The following ANO3 variants were observed in gnomAD, a reference collection of about 807,000 sequenced individuals.
ANO3 encodes the protein anoctamin 3.
Under a neutral mutation model 144.8 loss-of-function variants are expected in ANO3, and 99 were observed. The ratio of observed to expected loss-of-function variants is 0.68; its 90% CI spans 0.58 to 0.81. The LOEUF (loss-of-function observed/expected upper bound fraction) is 0.81. Among genes scored for constraint, ANO3 ranks in the 30% least tolerant of loss-of-function variants. ANO3 has a pLI of 0.00. For synonymous variants in ANO3, 414 were observed against 392.6 expected (o/e 1.05, Z -0.64); for missense variants, 905 against 1,202.2 (o/e 0.75, Z 3.66).
At chr11:26,230,772 G>GGGT (rs1327558095) in intron 1 of ANO3, among the ~76,000 whole-genome samples, 1 of 120,004 alleles carries the variant, frequency 8.3e-6, no homozygotes, top group Non-Finnish European at 1.6e-5. Flanking sequence ...ACTCCAGCCT[G>GGGT]GGTGACAGAG....
intron 1 of ANO3, among the ~76,000 whole-genome samples, chr11:26,205,186 G>A (rs2133915934): frequency 6.6e-6 from 1 of 152,216 alleles, no homozygotes; most frequent in East Asian, 1.9e-4. Context: ...TAACAAGTGG[G>A]AATTATTACG....
chr11:26,205,033 CACAAGGTGGTAA>C (rs961011426), intron 1 of ANO3, among the ~76,000 whole-genome samples: 9 of 152,070 alleles, frequency 5.9e-5, no homozygotes, highest in Non-Finnish European at 7.4e-5. Context: ...AGTCCTTCCT[CACAAGGTGGTAA>C]AAGAAGTACC....
chr11:26,350,082 G>C (rs183196145), intron 1 of ANO3, among the ~76,000 whole-genome samples: 16 of 151,858 alleles, frequency 1.1e-4, no homozygotes, highest in Admixed American at 4.6e-4. Flanking sequence ...GGAACGGAAG[G>C]GGGAGAAGAA....
At chr11:26,403,417 T>C (rs966790206) in intron 1 of ANO3, among the ~76,000 whole-genome samples, 17 of 152,006 alleles carry the variant, frequency 1.1e-4, no homozygotes, top group South Asian at 2.1e-4. Flanking sequence ...CAAAGCCAAA[T>C]AAAATGTGTG....
chr11:26,650,053 C>T (rs146328482), intron 24 of ANO3, among the ~76,000 whole-genome samples: 4 of 152,176 alleles, frequency 2.6e-5, no homozygotes, highest in African/African-American at 9.6e-5. Flanking sequence ...GTGTAGATAG[C>T]GCCCGACATC....
At chr11:26,236,677 G>A (rs888442064) in intron 1 of ANO3, among the ~76,000 whole-genome samples, 7 of 151,924 alleles carry the variant, frequency 4.6e-5, no homozygotes, top group Non-Finnish European at 8.8e-5. Context: ...AATTAGCCGG[G>A]CATGGTGGCG....
At chr11:26,311,258 A>T (rs530792638) in intron 1 of ANO3, among the ~76,000 whole-genome samples, 4 of 152,294 alleles carry the variant, frequency 2.6e-5, no homozygotes, top group Admixed American at 1.3e-4. Context: ...TCTTCCCAAC[A>T]ACTCTATGAG....
chr11:26,349,530 T>A (rs1855581624), intron 1 of ANO3, among the ~76,000 whole-genome samples: 1 of 152,028 alleles, frequency 6.6e-6, no homozygotes, highest in South Asian at 2.1e-4. Flanking sequence ...AAATGAGAAT[T>A]GTTATTGTTT....
At chr11:26,589,146 G>A (rs1321356803) in intron 14 of ANO3, among the ~76,000 whole-genome samples, 1 of 152,146 alleles carries the variant, frequency 6.6e-6, no homozygotes, top group Non-Finnish European at 1.5e-5. Flanking sequence ...CAAGAGTTTT[G>A]GTCCTGGCTC....
intron 1 of ANO3, among the ~76,000 whole-genome samples, chr11:26,311,592 T>C (rs1308992212): frequency 6.6e-6 from 1 of 152,196 alleles, no homozygotes; most frequent in Admixed American, 6.5e-5. Context: ...AAGATATTAC[T>C]AAAGAGGAGA....
At chr11:26,535,697 C>T (rs1378791607) in intron 9 of ANO3, among the ~76,000 whole-genome samples, 1 of 150,586 alleles carries the variant, frequency 6.6e-6, no homozygotes, top group Non-Finnish European at 1.5e-5. Flanking sequence ...ATTCTCCTGC[C>T]TCAGCCTCCC....
chr11:26,206,445 CTT>C (rs1429392301), intron 1 of ANO3, among the ~76,000 whole-genome samples: 2 of 152,090 alleles, frequency 1.3e-5, no homozygotes, highest in Non-Finnish European at 2.9e-5. Context: ...TAAAATAGCA[CTT>C]ATATTATTTC....
At chr11:26,315,607 TTC>T (rs1191013009) in intron 1 of ANO3, among the ~76,000 whole-genome samples, 4 of 152,110 alleles carry the variant, frequency 2.6e-5, no homozygotes, top group Non-Finnish European at 5.9e-5. Flanking sequence ...TTAAGAGATA[TTC>T]TCTTTTTTTT....
intron 17 of ANO3, among the ~76,000 whole-genome samples, chr11:26,602,551 A>G (rs1851827427): frequency 6.6e-6 from 1 of 150,662 alleles, no homozygotes. Flanking sequence ...ACATAGTGAG[A>G]TCTCATTGCT....
intron 1 of ANO3, among the ~76,000 whole-genome samples, chr11:26,375,495 C>T (rs961633519): frequency 3.3e-5 from 5 of 152,066 alleles, no homozygotes; most frequent in South Asian, 2.1e-4. Context: ...CATTTGGTGG[C>T]GAAATGGAAT....
At chr11:26,469,063 A>C (rs1406768063) in intron 4 of ANO3, among the ~76,000 whole-genome samples, 1 of 151,924 alleles carries the variant, frequency 6.6e-6, no homozygotes, top group Admixed American at 6.6e-5. Flanking sequence ...AGTCCAAAGT[A>C]ATCTCGTCCT....
In ANO3 at chr11:26,608,806, G is replaced by A. The variant is rs531310956; in HGVS notation, c.1836+9092G>A. 4.6e-5 allele frequency among the ~76,000 whole-genome samples: 7 copies of A among 152,234 alleles called. No homozygotes were observed. The East Asian group carries it at 9.7e-4, about 21-fold the overall frequency. On this transcript the variant is annotated intron_variant, in intron 17 of 26. Transcript: ENST00000256737. ...CGTCCAGCCTCCCTGGCTCCAGCAC[G>A]GGAAAAGCACAGCCTGGAGTTATAG...
chr11:26,189,133 A>G, exon 1 of ANO3: 1 of 908,184 alleles, frequency 1.1e-6, no homozygotes, highest in Non-Finnish European at 1.3e-6. Context: ...TAAAGAATTC[A>G]ATAGTGTGAA....
chr11:26,264,301 C>A (rs946707113), intron 1 of ANO3, among the ~76,000 whole-genome samples: 5 of 152,108 alleles, frequency 3.3e-5, no homozygotes, highest in Non-Finnish European at 5.9e-5. Flanking sequence ...ATGAAGTATG[C>A]TTTCATAGAA....
Sources: gnomAD v4.1 joint callset for allele counts (sites outside exome capture counted in the v4.1 genomes callset) on GRCh38, gnomAD v4.1.1 for gene constraint, MANE v1.5 for transcripts, NCBI Gene and HGNC (gene_info 2026-07-23, HGNC 2026-07-21) for gene names.